The following EPHA7 variants were observed in gnomAD, a reference collection of about 807,000 sequenced individuals.
EPHA7 encodes the protein EPH receptor A7.
In EPHA7, 25 loss-of-function variants were observed where a neutral mutation model predicts 112.6. The observed-to-expected ratio is 0.22, with a 90% CI of 0.16 to 0.31. The LOEUF is 0.31. Among genes scored for constraint, EPHA7 ranks in the 10% least tolerant of loss-of-function variants. The pLI is 1.00. For missense variants in EPHA7, 962 were observed against 1,212.6 expected, an observed-to-expected ratio of 0.79 and a Z score of 3.07; for synonymous variants, 437 against 406.5, an observed-to-expected ratio of 1.07 and a Z score of -0.90.
chr6:93,256,310 T>C (rs898075952), intron 12 of EPHA7, among the ~76,000 whole-genome samples: 22 of 152,116 alleles, frequency 1.4e-4, no homozygotes, highest in African/African-American at 4.1e-4. Context: ...CAAAAGTATA[T>C]GCTAATTTTT....
chr6:93,251,065 T>C (rs910890205), intron 14 of EPHA7, among the ~76,000 whole-genome samples: 2 of 152,110 alleles, frequency 1.3e-5, no homozygotes, highest in Admixed American at 6.6e-5. Flanking sequence ...GATTGGCTTC[T>C]GTCCTCTGCT....
intron 3 of EPHA7, among the ~76,000 whole-genome samples, chr6:93,400,131 T>C (rs1229307919): frequency 2.0e-5 from 3 of 152,032 alleles, no homozygotes; most frequent in East Asian, 1.9e-4. Flanking sequence ...ATAGGGACAT[T>C]ATATAATACA....
chr6:93,373,204 A>G (rs1414818297), intron 3 of EPHA7, among the ~76,000 whole-genome samples: 1 of 151,936 alleles, frequency 6.6e-6, no homozygotes, highest in Non-Finnish European at 1.5e-5. Flanking sequence ...TCTTTATATT[A>G]TATTTAATTT....
In EPHA7 at chr6:93,245,432, A is replaced by T; in HGVS notation, c.2748T>A (p.Asp916Glu). The change falls in exon 16 of 17, where the codon GAT becomes GAA. Residue 916 changes from aspartate to glutamate, a missense_variant. By Grantham distance (45) the Asp-to-Glu change is conservative. Transcript: ENST00000369303. ...AGGTAGTGAAATCAGGAGTGTTTTG[A>T]TCCAGAAGAGGGCTTATTGGCCTAG... ...TCSRPISPLLDQNTPDFTTFC... is the reference protein window; with the variant it reads ...TCSRPISPLLEQNTPDFTTFC... 6.2e-7 allele frequency: 1 copy of T among 1,613,378 alleles called. No individual in the cohort carries two copies. Among genetic ancestry groups the T allele is most frequent in the Non-Finnish European group, 8.5e-7 (1 of 1,179,754 alleles).
intron 3 of EPHA7, among the ~76,000 whole-genome samples, chr6:93,389,542 C>T (rs1582650713): frequency 6.6e-6 from 1 of 151,948 alleles, no homozygotes; most frequent in Non-Finnish European, 1.5e-5. Context: ...AAAAAGTCTC[C>T]TGAAAATGGA....
Position 93,356,877 on chromosome 6 carries a change from G to GTATCCA in EPHA7, c.1158_1163dup (p.Gly387_Tyr388dup). On this transcript the variant is annotated inframe_insertion, in exon 5 of 17. Coordinates refer to ENST00000369303, the MANE Select transcript of EPHA7 (RefSeq NM_004440.4). ...CCTCTAATCCAGTCTGCTGGGGCAT[G>GTATCCA]TATCCAATGTTACTCCCACAGGGAA... is the stretch of plus-strand genomic sequence containing the variant. 6.2e-7 allele frequency: 1 copy of GTATCCA among 1,614,136 alleles called. No individual in the cohort carries two copies. The highest frequency in any genetic ancestry group is 8.5e-7 in the Non-Finnish European group (1 of 1,180,008).
chr6:93,369,907 C>A (rs1304510518), intron 3 of EPHA7, among the ~76,000 whole-genome samples: 2 of 152,092 alleles, frequency 1.3e-5, no homozygotes, highest in Non-Finnish European at 2.9e-5. Context: ...GTCATCAGAG[C>A]AATAGGACTG....
At chr6:93,416,815 C>G (rs1779254000) in intron 1 of EPHA7, among the ~76,000 whole-genome samples, 3 of 151,980 alleles carry the variant, frequency 2.0e-5, no homozygotes, top group Non-Finnish European at 4.4e-5. Flanking sequence ...ACTGGGGGCG[C>G]GCCCTGACAG....
intron 5 of EPHA7, among the ~76,000 whole-genome samples, chr6:93,351,283 C>T (rs1477279965): frequency 6.6e-6 from 1 of 152,026 alleles, no homozygotes; most frequent in East Asian, 1.9e-4. Context: ...CTGATGATTC[C>T]AATGAGACCC....
chr6:93,408,557 T>C (rs1778825429), intron 3 of EPHA7, among the ~76,000 whole-genome samples: 1 of 152,108 alleles, frequency 6.6e-6, no homozygotes, highest in Non-Finnish European at 1.5e-5. Context: ...GGAGACAGGT[T>C]TGACTCCTTC....
chr6:93,347,748 G>A (rs899805165), intron 5 of EPHA7, among the ~76,000 whole-genome samples: 3 of 151,766 alleles, frequency 2.0e-5, no homozygotes, highest in African/African-American at 7.3e-5. Context: ...TTCTTGCTAT[G>A]TGCTCACATG....
At chr6:93,371,527 CA>C (rs1181546490) in intron 3 of EPHA7, among the ~76,000 whole-genome samples, 1 of 152,154 alleles carries the variant, frequency 6.6e-6, no homozygotes, top group African/African-American at 2.4e-5. Flanking sequence ...ACTGTAATGA[CA>C]AGCGCTACAA....
chr6:93,260,962 C>T (rs1245933884), intron 9 of EPHA7, among the ~76,000 whole-genome samples: 2 of 151,516 alleles, frequency 1.3e-5, no homozygotes, highest in African/African-American at 4.8e-5. Context: ...TTTATTCTCT[C>T]TTTCTTTCAT....
intron 5 of EPHA7, among the ~76,000 whole-genome samples, chr6:93,280,377 C>G (rs1225435201): frequency 6.6e-6 from 1 of 152,178 alleles, no homozygotes; most frequent in Admixed American, 6.5e-5. Context: ...TAGATAATAA[C>G]AAACTCAGTT....
intron 3 of EPHA7, among the ~76,000 whole-genome samples, chr6:93,369,143 G>T (rs1776655224): frequency 6.9e-6 from 1 of 145,398 alleles, no homozygotes; most frequent in Non-Finnish European, 1.5e-5. Flanking sequence ...AAAAGAGCTG[G>T]CAAAGAAAAA....
At chr6:93,309,851 T>C (rs1030875627) in intron 5 of EPHA7, among the ~76,000 whole-genome samples, 2 of 152,216 alleles carry the variant, frequency 1.3e-5, no homozygotes, top group Non-Finnish European at 2.9e-5. Context: ...TATCGTTAAG[T>C]ATTCTGTTAA....
chr6:93,377,033 T>C (rs1025713717), intron 3 of EPHA7, among the ~76,000 whole-genome samples: 3 of 149,556 alleles, frequency 2.0e-5, no homozygotes, highest in Non-Finnish European at 3.0e-5. Context: ...TCCAACACTT[T>C]ACAAATTTTC....
chr6:93,259,549 C>A, intron 9 of EPHA7, 70 bp from the exon 10 acceptor site: 1 of 1,578,140 alleles, frequency 6.3e-7, no homozygotes, highest in Non-Finnish European at 8.7e-7. Context: ...CCAGGAATTT[C>A]ATTATGCAGA....
chr6:93,396,578 A>G (rs1038869317), intron 3 of EPHA7, among the ~76,000 whole-genome samples: 15 of 151,868 alleles, frequency 9.9e-5, no homozygotes, highest in Admixed American at 1.3e-4. Flanking sequence ...ACATAACCCC[A>G]AATTCCACTT....
Sources: gnomAD v4.1 joint callset for allele counts (sites outside exome capture counted in the v4.1 genomes callset) on GRCh38, gnomAD v4.1.1 for gene constraint, MANE v1.5 for transcripts, NCBI Gene and HGNC (gene_info 2026-07-23, HGNC 2026-07-21) for gene names.